SLC43A2: variants seen among roughly 807,000 people sequenced by gnomAD.
The protein encoded by SLC43A2 is solute carrier family 43 member 2.
Under a neutral mutation model 63.2 loss-of-function variants are expected in SLC43A2, and 38 were observed. The observed-to-expected ratio is 0.60, with a 90% CI of 0.46 to 0.79. The LOEUF (loss-of-function observed/expected upper bound fraction) is 0.79. SLC43A2 is among the 30% of genes least tolerant of loss of function. SLC43A2 has a pLI of 0.00. For missense variants in SLC43A2, 644 were observed against 756.2 expected (o/e 0.85, Z 1.74); for synonymous variants, 322 against 331.0 (o/e 0.97, Z 0.30).
Position 1,627,803 on chromosome 17 carries a change from G to A in SLC43A2, c.72C>T (p.Leu24=). 2 of 1,597,754 alleles carry A rather than the reference G, an allele frequency of 1.3e-6. No individual in the cohort carries two copies. The highest frequency in any genetic ancestry group is 8.5e-7 in the Non-Finnish European group (1 of 1,172,458). ...WMACTAVLEN[L]LFSAVLLGWG... The stretch of plus-strand genomic sequence containing the variant: ...AGCCCAGGAGGACTGCCGAGAAGAG[G>A]AGGTTCTCCAGCACGGCCGTGCAGG... The change falls in exon 2 of 14, where the codon CTC becomes CTT. Residue 24 remains leucine (L), a synonymous_variant. Coordinates refer to ENST00000301335, the MANE Select transcript of SLC43A2 (RefSeq NM_152346.3).
intron 5 of SLC43A2, among the ~76,000 whole-genome samples, chr17:1,602,403 T>G (rs1469079525): frequency 1.3e-5 from 2 of 152,120 alleles, no homozygotes. Context: ...CCCAGCACTT[T>G]CAGAGGCCGA....
At chr17:1,604,940 G>A (rs991445204) in intron 5 of SLC43A2, 17 of 1,516,154 alleles carry the variant, frequency 1.1e-5, no homozygotes, top group East Asian at 7.4e-5. Flanking sequence ...CCGCGGTGCC[G>A]GAGTGAGGGC....
intron 5 of SLC43A2, among the ~76,000 whole-genome samples, chr17:1,600,531 G>A (rs1430951491): frequency 2.1e-5 from 3 of 141,314 alleles, no homozygotes; most frequent in South Asian, 4.5e-4. Context: ...TCTCATAAGA[G>A]ATTTTTTTTT....
chr17:1,600,502 AAAGAAG>A (rs1403156392), intron 5 of SLC43A2, among the ~76,000 whole-genome samples: 1 of 150,300 alleles, frequency 6.7e-6, no homozygotes, highest in African/African-American at 2.4e-5. Flanking sequence ...AAGGTGAGCA[AAAGAAG>A]AGACATTCTA....
chr17:1,593,348 G>A lies in SLC43A2; in HGVS notation c.502-69C>T. On this transcript the variant is annotated intron_variant, in intron 5 of 13. Transcript: ENST00000301335. This position sits in a 1 kb window ranked among gnomAD's most constrained non-coding sequence, Gnocchi z 5.3. ...CAGGGAAGGGGAGGAGGAGGGGACAGAGAACTAGGCCCCATGAGGCCCCTT... is the reference window on the plus strand; with the variant it reads ...CAGGGAAGGGGAGGAGGAGGGGACAAAGAACTAGGCCCCATGAGGCCCCTT... 7.0e-7 allele frequency: 1 copy of A among 1,424,142 alleles called. No individual in the cohort carries two copies. Among genetic ancestry groups the A allele is most frequent in the Non-Finnish European group, 9.8e-7 (1 of 1,020,744 alleles). 88.2% of individuals were successfully genotyped at this position (1,424,142 alleles called of 1,614,324 possible). A position where few individuals can be genotyped will look rare whatever the true frequency, so the allele number is the denominator to read the frequency against.
In SLC43A2 at chr17:1,591,307, G is replaced by A. The variant is rs1311635062; in HGVS notation, c.893C>T (p.Thr298Ile). Residue 298 changes from threonine (T) to isoleucine (I), a missense_variant, in exon 8 of 14, where the codon ACC (threonine) becomes ATC (isoleucine). Transcript: ENST00000301335. ...LQEGHKLCLSTVDLEVKCQPD... is the reference protein window; with the variant it reads ...LQEGHKLCLSIVDLEVKCQPD... Reference sequence around the variant, plus strand: ...CTGGCACTTCACCTCCAGGTCGACGGTGGACAGGCACAGCTTGTGGCCCTC... The same window carrying A: ...CTGGCACTTCACCTCCAGGTCGACGATGGACAGGCACAGCTTGTGGCCCTC... 1.2e-6 allele frequency: 2 copies of A among 1,607,498 alleles called. No homozygotes were observed. Among genetic ancestry groups the A allele is most frequent in the South Asian group, 2.2e-5 (2 of 91,072 alleles).
chr17:1,591,679 G>C lies in SLC43A2; in HGVS notation c.615C>G (p.Val205=). Residue 205 remains valine, a synonymous_variant, in exon 7 of 14, where the codon GTC becomes GTG. Transcript: ENST00000301335. ...AGACCACGAGGACGACGATGAAGGA[G>C]ACACCAGCATCATAGATGAGCTGAC... ...PGIKLIYDAG[V]SFIVVLVVWA... 1 of 1,299,134 alleles carries C rather than the reference G, an allele frequency of 7.7e-7. No homozygotes were observed. Among genetic ancestry groups the C allele is most frequent in the Non-Finnish European group, 1.0e-6 (1 of 986,882 alleles). The allele number at this position is 1,299,134 out of a possible 1,614,324, so 80.5% of individuals were successfully genotyped here. A position where few individuals can be genotyped will look rare whatever the true frequency, so the allele number is the denominator to read the frequency against.
intron 5 of SLC43A2, among the ~76,000 whole-genome samples, chr17:1,612,663 A>G (rs1907229554): frequency 6.6e-6 from 1 of 152,242 alleles, no homozygotes; most frequent in African/African-American, 2.4e-5. Context: ...GCAGCATCAA[A>G]GCCCAGATCA....
chr17:1,623,760 CT>C (rs2151082954), intron 2 of SLC43A2, among the ~76,000 whole-genome samples: 10 of 146,430 alleles, frequency 6.8e-5, no homozygotes, highest in South Asian at 2.3e-4. Context: ...CTGTACCCTC[CT>C]CTCCTCCAGG....
At chr17:1,590,258 CTG>C (rs1904616851) in intron 9 of SLC43A2, among the ~76,000 whole-genome samples, 1 of 151,858 alleles carries the variant, frequency 6.6e-6, no homozygotes, top group South Asian at 2.1e-4. Flanking sequence ...GGGTTATCAG[CTG>C]TGTTTGTTGG....
rs954339130 is a variant in SLC43A2 at position 1,571,953 on chromosome 17, C to G, written c.*3651G>C. On this transcript the variant is annotated 3_prime_UTR_variant, in exon 14 of 14. Transcript: ENST00000301335. The surrounding 1 kb of genome is among the most constrained non-coding windows in gnomAD (Gnocchi z 5.2). ...AGCCCCCCTCCTCACTGATCAAAACCCCAAGGGCAGGGAGCCCTTCCTGCT... is the reference window on the plus strand; with the variant it reads ...AGCCCCCCTCCTCACTGATCAAAACGCCAAGGGCAGGGAGCCCTTCCTGCT... 6.6e-6 allele frequency: 1 copy of G among 152,254 alleles called. No individual in the cohort carries two copies. Among genetic ancestry groups the G allele is most frequent in the Admixed American group, 6.6e-5 (1 of 15,240 alleles). The allele number at this position is 152,254 out of a possible 1,614,324, so 9.4% of individuals were successfully genotyped here.
In SLC43A2 at chr17:1,591,213, C is replaced by G. The variant is rs1040950212; in HGVS notation, c.931+56G>C. ...TGGGGTGAGGTGGGAATGGGGTGAG[C>G]CGATACCCACAGAGCACTCCCTGCC... On this transcript the variant is annotated intron_variant, in intron 8 of 13. Transcript: ENST00000301335. 6 of 1,579,206 alleles carry G rather than the reference C, an allele frequency of 3.8e-6. No homozygotes were observed. In the African/African-American group the frequency reaches 8.0e-5, roughly 21 times the overall value.
chr17:1,589,659 G>A (rs1402509640), intron 9 of SLC43A2, among the ~76,000 whole-genome samples: 1 of 152,194 alleles, frequency 6.6e-6, no homozygotes, highest in African/African-American at 2.4e-5. Flanking sequence ...GCACTCTGTC[G>A]CCCAGGCTGG....
intron 9 of SLC43A2, chr17:1,586,927 A>AGGGGGCCCCCC: frequency 7.4e-7 from 1 of 1,355,880 alleles, no homozygotes; most frequent in Non-Finnish European, 1.0e-6. Context: ...TTCCCTGACA[A>AGGGGGCCCCCC]TCCCCCCCAC....
Position 1,591,719 on chromosome 17 carries a change from CGGGGTGGGGGGGGGAG to C in SLC43A2, c.595-36_595-21del. ...GATGAGCTGACAGGCACCGCGGGGACGGGGTGGGGGGGGGAGGGGGCAGAGTTAGCCCGGGGAGGCC... is the reference window on the plus strand; with the variant it reads ...GATGAGCTGACAGGCACCGCGGGGACGGGGCAGAGTTAGCCCGGGGAGGCC... On this transcript the variant is annotated intron_variant, in intron 6 of 13. Transcript: ENST00000301335. 3.4e-5 allele frequency: 4 copies of C among 118,036 alleles called. No individual in the cohort carries two copies. The highest frequency in any genetic ancestry group is 7.2e-5 in the Non-Finnish European group (4 of 55,410). The allele number at this position is 118,036 out of a possible 1,614,324, so 7.3% of individuals were successfully genotyped here.
rs965779073 is a variant in SLC43A2 at position 1,605,385 on chromosome 17, T to C, written c.501+7810A>G. 9 of 275,596 alleles carry C rather than the reference T, an allele frequency of 3.3e-5. No individual in the cohort carries two copies. In the South Asian group the frequency reaches 9.3e-4, roughly 28 times the overall value. The allele number at this position is 275,596 out of a possible 1,614,324, so 17.1% of individuals were successfully genotyped here. A position where few individuals can be genotyped will look rare whatever the true frequency, so the allele number is the denominator to read the frequency against. On this transcript the variant is annotated intron_variant, in intron 5 of 13. Coordinates refer to ENST00000301335, the MANE Select transcript of SLC43A2 (RefSeq NM_152346.3). This position sits in a 1 kb window ranked among gnomAD's most constrained non-coding sequence, Gnocchi z 4.9. ...AGGAGTGCCTGCAGGGCCAAGGCCCTGGGACAGTGCGGGCGCGGGAGCTTC... is the reference window on the plus strand; with the variant it reads ...AGGAGTGCCTGCAGGGCCAAGGCCCCGGGACAGTGCGGGCGCGGGAGCTTC...
At chr17:1,579,994 A>T (rs1182171109) in intron 11 of SLC43A2, among the ~76,000 whole-genome samples, 5 of 150,748 alleles carry the variant, frequency 3.3e-5, no homozygotes, top group Admixed American at 6.6e-5. Flanking sequence ...ATGCAGTGGC[A>T]CGGCTCACTG....
chr17:1,605,340 A>G lies in SLC43A2; in HGVS notation c.501+7855T>C. On this transcript the variant is annotated intron_variant, in intron 5 of 13. Transcript: ENST00000301335. The surrounding 1 kb of genome is among the most constrained non-coding windows in gnomAD (Gnocchi z 4.9). The stretch of plus-strand genomic sequence containing the variant: ...CGGCCCCTCCCCTGGCATTCTGGCC[A>G]TAGAGCATGACCACCGGACAGGAGT... 1 of 599,420 alleles carries G rather than the reference A, an allele frequency of 1.7e-6. No homozygotes were observed. Among genetic ancestry groups the G allele is most frequent in the Non-Finnish European group, 2.1e-6 (1 of 466,008 alleles). The allele number at this position is 599,420 out of a possible 1,614,324, so 37.1% of individuals were successfully genotyped here.
chr17:1,602,503 G>A (rs1315815442), intron 5 of SLC43A2, among the ~76,000 whole-genome samples: 5 of 151,856 alleles, frequency 3.3e-5, no homozygotes, highest in South Asian at 2.1e-4. Context: ...AAAATTAGCC[G>A]GACATGGTGG....
Sources: gnomAD v4.1 joint callset for allele counts (sites outside exome capture counted in the v4.1 genomes callset) on GRCh38, gnomAD v4.1.1 for gene constraint, Gnocchi (gnomAD v3.1) non-coding constraint, MANE v1.5 for transcripts, NCBI Gene and HGNC (gene_info 2026-07-23, HGNC 2026-07-21) for gene names.